The following TMEM63B variants were observed in gnomAD, a reference collection of about 807,000 sequenced individuals.
The protein encoded by TMEM63B is transmembrane protein 63B, also known as mechanosensitive cation channel TMEM63B.
A neutral mutation model predicts 102.6 loss-of-function variants in TMEM63B; 23 were observed. The observed-to-expected ratio is 0.22, with a 90% CI of 0.16 to 0.32. TMEM63B has a LOEUF of 0.32. Among genes scored for constraint, TMEM63B ranks in the 10% least tolerant of loss-of-function variants. The probability of loss-of-function intolerance (pLI) is 1.00; values close to 1 mark genes in which losing one functional copy is unlikely to be tolerated. For synonymous variants in TMEM63B, 444 were observed against 437.0 expected, an observed-to-expected ratio of 1.02 and a Z score of -0.20; for missense variants, 628 against 1,095.9, an observed-to-expected ratio of 0.57 and a Z score of 6.03.
chr6:44,147,615 G>C lies in TMEM63B; in HGVS notation c.987+115G>C. Reference sequence around the variant, plus strand: ...TGTCCCTGGAATCCTTGAAGCCTCAGTTCCCACTGTTGGGTTTGTCTAATG... The same window carrying C: ...TGTCCCTGGAATCCTTGAAGCCTCACTTCCCACTGTTGGGTTTGTCTAATG... On this transcript the variant is annotated intron_variant, in intron 12 of 23. Transcript: ENST00000323267. 8 of 1,422,832 alleles carry C rather than the reference G, an allele frequency of 5.6e-6. No individual in the cohort carries two copies. In the South Asian group the frequency reaches 1.0e-4, roughly 19 times the overall value. 88.1% of individuals were successfully genotyped at this position (1,422,832 alleles called of 1,614,324 possible).
intron 10 of TMEM63B, among the ~76,000 whole-genome samples, chr6:44,145,796 A>G (rs1256158812): frequency 6.6e-6 from 1 of 152,070 alleles, no homozygotes; most frequent in Non-Finnish European, 1.5e-5. Context: ...ACAAACAAAC[A>G]AAAAAATGAA....
At chr6:44,131,517 G>A (rs868783503) in intron 1 of TMEM63B, among the ~76,000 whole-genome samples, 9 of 151,926 alleles carry the variant, frequency 5.9e-5, no homozygotes, top group Non-Finnish European at 1.0e-4. Context: ...TCAAGAGATC[G>A]AGACCATCCT....
upstream of TMEM63B, chr6:44,126,815 T>C (rs923332428): frequency 1.3e-5 from 2 of 152,226 alleles, no homozygotes; most frequent in African/African-American, 2.4e-5. Flanking sequence ...CACTGGTAGA[T>C]GCAGTCTCTG....
chr6:44,150,158 T>C lies in TMEM63B; in HGVS notation c.1521-66T>C. 1 of 1,518,334 alleles carries C rather than the reference T, an allele frequency of 6.6e-7. No homozygotes were observed. The highest frequency in any genetic ancestry group is 9.1e-7 in the Non-Finnish European group (1 of 1,099,078). The allele number at this position is 1,518,334 out of a possible 1,614,324, so 94.1% of individuals were successfully genotyped here. A position where few individuals can be genotyped will look rare whatever the true frequency, so the allele number is the denominator to read the frequency against. ...GGACACTCCTTGGACATTGTCCTTGTTGGGGGAGCAAGTCTGGGGCCTGGG... is the reference window on the plus strand; with the variant it reads ...GGACACTCCTTGGACATTGTCCTTGCTGGGGGAGCAAGTCTGGGGCCTGGG... On this transcript the variant is annotated intron_variant, in intron 16 of 23. Coordinates refer to ENST00000323267, the MANE Select transcript of TMEM63B (RefSeq NM_018426.3). This position sits in a 1 kb window ranked among gnomAD's most constrained non-coding sequence, Gnocchi z 4.7.
At position 44,148,076 on chromosome 6, in the gene TMEM63B, T is replaced by G. The variant is rs930982467; in HGVS notation, c.988-176T>G. ...AGCTTGAGGCTCCAGTGAGCTGAGATTCCACCACTACACTCCAGCCTGGGC... is the reference window on the plus strand; with the variant it reads ...AGCTTGAGGCTCCAGTGAGCTGAGAGTCCACCACTACACTCCAGCCTGGGC... On this transcript the variant is annotated intron_variant, in intron 12 of 23. Transcript: ENST00000323267. This position sits in a 1 kb window ranked among gnomAD's most constrained non-coding sequence, Gnocchi z 5.1. Among the ~76,000 whole-genome samples the G allele has an allele frequency of 3.3e-5, 5 of 152,252 alleles. No individual in the cohort carries two copies. Among genetic ancestry groups the G allele is most frequent in the African/African-American group, 1.2e-4 (5 of 41,534 alleles).
intron 1 of TMEM63B, among the ~76,000 whole-genome samples, chr6:44,130,925 C>CA (rs1554194541): frequency 1.8e-4 from 27 of 146,484 alleles, no homozygotes; most frequent in African/African-American, 6.8e-4. Flanking sequence ...CCTACTACTA[C>CA]TTTTTTTTTT....
At chr6:44,135,477 C>T in intron 4 of TMEM63B, 111 bp downstream of exon 4, 1 of 1,329,048 alleles carries the variant, frequency 7.5e-7, no homozygotes, top group Non-Finnish European at 1.0e-6. Flanking sequence ...CAGTTTTCTC[C>T]TCTGCAGGCT....
At chr6:44,131,998 G>T (rs1314114910) in intron 1 of TMEM63B, among the ~76,000 whole-genome samples, 20 of 152,164 alleles carry the variant, frequency 1.3e-4, no homozygotes, top group Admixed American at 7.9e-4. Context: ...GCCCAGTGCT[G>T]GCTTTGAGAG....
intron 1 of TMEM63B, among the ~76,000 whole-genome samples, chr6:44,130,694 T>C (rs1186042672): frequency 6.6e-6 from 1 of 150,512 alleles, no homozygotes; most frequent in Non-Finnish European, 1.5e-5. Flanking sequence ...GACGTGATTC[T>C]CCCACCACAG....
At chr6:44,127,422 G>T (rs1422288399), upstream of TMEM63B, 3 of 152,186 alleles carry the variant, frequency 2.0e-5, no homozygotes, top group African/African-American at 7.2e-5. Flanking sequence ...CCTCTTCCTA[G>T]CGCCTGCGCG....
At chr6:44,142,830 T>C (rs1764568928) in intron 10 of TMEM63B, among the ~76,000 whole-genome samples, 1 of 152,026 alleles carries the variant, frequency 6.6e-6, no homozygotes, top group South Asian at 2.1e-4. Flanking sequence ...GGACAACATG[T>C]CGAAACTCCA....
In TMEM63B at chr6:44,140,314, G is replaced by A; in HGVS notation, c.665G>A (p.Ser222Asn). The A allele has an allele frequency of 1.2e-6, 2 of 1,614,034 alleles. No homozygotes were observed. Among genetic ancestry groups the A allele is most frequent in the Non-Finnish European group, 1.7e-6 (2 of 1,179,956 alleles). The change falls in exon 9 of 24, where the codon AGC becomes AAC. Residue 222 changes from serine to asparagine, a missense_variant. Transcript: ENST00000323267. ...CTGTATCTGCTGCTCACCGTCTACA[G>A]CATGCGTAGACACACCTCCAAGATG... ...AFLYLLLTVY[S>N]MRRHTSKMRY...
upstream of TMEM63B, chr6:44,127,191 C>CCCCTCCCCGTCGGGACCCCT: frequency 6.9e-6 from 1 of 145,164 alleles, no homozygotes; most frequent in Non-Finnish European, 1.5e-5. Flanking sequence ...TCGGGACCCC[C>CCCCTCCCCGTCGGGACCCCT]CCCTCCCCGT....
chr6:44,133,090 G>A (rs1442034351), intron 1 of TMEM63B, among the ~76,000 whole-genome samples: 5 of 152,132 alleles, frequency 3.3e-5, no homozygotes, highest in African/African-American at 1.2e-4. Flanking sequence ...TGAAACTGAG[G>A]GCACTGGACA....
Position 44,148,125 on chromosome 6 carries a change from A to C in TMEM63B, c.988-127A>C. 1 of 1,148,158 alleles carries C rather than the reference A, an allele frequency of 8.7e-7. No individual in the cohort carries two copies. Among genetic ancestry groups the C allele is most frequent in the Non-Finnish European group, 1.2e-6 (1 of 847,108 alleles). The allele number at this position is 1,148,158 out of a possible 1,614,324, so 71.1% of individuals were successfully genotyped here. A position where few individuals can be genotyped will look rare whatever the true frequency, so the allele number is the denominator to read the frequency against. ...GCATCAGAGCGAGACGCTGTTTCCA[A>C]AAAAAAAAAAATGCTTAGAGGAGCA... On this transcript the variant is annotated intron_variant, in intron 12 of 23. Coordinates refer to ENST00000323267, the MANE Select transcript of TMEM63B (RefSeq NM_018426.3). This position sits in a 1 kb window ranked among gnomAD's most constrained non-coding sequence, Gnocchi z 5.1.
In TMEM63B at chr6:44,152,974, C is replaced by T. The variant is rs571586382; in HGVS notation, c.1942+276C>T. On this transcript the variant is annotated intron_variant, in intron 20 of 23. Coordinates refer to ENST00000323267, the MANE Select transcript of TMEM63B (RefSeq NM_018426.3). This position sits in a 1 kb window ranked among gnomAD's most constrained non-coding sequence, Gnocchi z 6.4. ...TACCCACACCTGTGCCTTCCCTCAGCGGGATGTGCTTGGACACAGATCACA... is the reference window on the plus strand; with the variant it reads ...TACCCACACCTGTGCCTTCCCTCAGTGGGATGTGCTTGGACACAGATCACA... Among the ~76,000 whole-genome samples the T allele has an allele frequency of 3.0e-4, 46 of 152,352 alleles. No homozygotes were observed. Among genetic ancestry groups the T allele is most frequent in the African/African-American group, 1.0e-3 (43 of 41,588 alleles).
intron 15 of TMEM63B, chr6:44,149,390 C>T (rs188349561): frequency 1.3e-5 from 4 of 307,514 alleles, no homozygotes; most frequent in East Asian, 1.5e-4. Context: ...TCTCCTCCCA[C>T]GCATAGAGCA....
At position 44,135,336 on chromosome 6, in the gene TMEM63B, G is replaced by C. The variant is rs146320190; in HGVS notation, c.248G>C (p.Arg83Pro). The change falls in exon 4 of 24, where the codon CGG (arginine) becomes CCG (proline). Residue 83 changes from arginine to proline, a missense_variant. Physicochemically the swap from Arg to Pro is moderately radical, Grantham distance 103 (BLOSUM62 -2). Around this residue, in one of 6 missense-constraint regions of TMEM63B, gnomAD observed 336 missense variants for 580.3 expected, o/e 0.58. Coordinates refer to ENST00000323267, the MANE Select transcript of TMEM63B (RefSeq NM_018426.3). ...ALVTDADRLR[R>P]QERDRVEQEY... ...CTGTTCTCTGTCCCCAGGCTTCGGC[G>C]GCAGGAGAGGGACCGAGTGGAACAG... The C allele has an allele frequency of 1.2e-6, 2 of 1,612,818 alleles. No homozygotes were observed. Among genetic ancestry groups the C allele is most frequent in the African/African-American group, 2.7e-5 (2 of 74,904 alleles).
chr6:44,141,048 C>G lies in TMEM63B; in HGVS notation c.732C>G (p.Ile244Met), dbSNP rs1164901180. 6.2e-7 allele frequency: 1 copy of G among 1,613,904 alleles called. No individual in the cohort carries two copies. The highest frequency in any genetic ancestry group is 8.5e-7 in the Non-Finnish European group (1 of 1,180,004). ...EDDLVKRTLF[I>M]NGISKYAESE... ...CCCAGGTGAAGCGGACCCTCTTCAT[C>G]AATGGAATCTCCAAATATGCAGAGT... is the stretch of plus-strand genomic sequence containing the variant. Residue 244 changes from isoleucine to methionine, a missense_variant, in exon 10 of 24, where the codon ATC becomes ATG. By Grantham distance (10) the Ile-to-Met change is conservative. Transcript: ENST00000323267.
Sources: gnomAD v4.1 joint callset for allele counts (sites outside exome capture counted in the v4.1 genomes callset) on GRCh38, gnomAD v4.1.1 for gene constraint, gnomAD v4.1.1 regional missense constraint, Gnocchi (gnomAD v3.1) non-coding constraint, MANE v1.5 for transcripts, NCBI Gene and HGNC (gene_info 2026-07-23, HGNC 2026-07-21) for gene names.